The following PCDH7 variants were observed in gnomAD, a reference collection of about 807,000 sequenced individuals.
PCDH7 encodes protocadherin 7.
A neutral mutation model predicts 58.9 loss-of-function variants in PCDH7; 17 were observed. The ratio of observed to expected loss-of-function variants is 0.29; its 90% CI spans 0.20 to 0.43. The LOEUF is 0.43. Among genes scored for constraint, PCDH7 ranks in the 20% least tolerant of loss-of-function variants. PCDH7 has a pLI of 1.00. For synonymous variants in PCDH7, 664 were observed against 616.4 expected (o/e 1.08, Z -1.14); for missense variants, 1,274 against 1,441.0 (o/e 0.88, Z 1.88).
chr4:31,068,464 C>T (rs1057133194), intron 3 of PCDH7, among the ~76,000 whole-genome samples: 1 of 151,938 alleles, frequency 6.6e-6, no homozygotes, highest in East Asian at 1.9e-4. Context: ...CTTGTAGACT[C>T]CAATATATAC....
intron 2 of PCDH7, 47 bp downstream of exon 2, chr4:30,920,416 G>A (rs760934973): frequency 7.0e-6 from 9 of 1,282,942 alleles, no homozygotes; most frequent in Non-Finnish European, 9.5e-6. Context: ...CTAGTGAGCC[G>A]TAATAAGTAG....
intron 1 of PCDH7, among the ~76,000 whole-genome samples, chr4:30,911,549 G>A (rs1741774015): frequency 6.6e-6 from 1 of 152,114 alleles, no homozygotes; most frequent in Admixed American, 6.6e-5. Context: ...TAAATTGAAT[G>A]ATTGTGTTAA....
intron 3 of PCDH7, among the ~76,000 whole-genome samples, chr4:31,068,153 A>G (rs1365898543): frequency 6.6e-6 from 1 of 151,944 alleles, no homozygotes; most frequent in Non-Finnish European, 1.5e-5. Flanking sequence ...ATTTAAAGCA[A>G]TAATTTTCAC....
At chr4:30,884,933 G>C (rs1289773811) in intron 1 of PCDH7, 1 of 152,002 alleles carries the variant, frequency 6.6e-6, no homozygotes, top group Admixed American at 6.6e-5. Flanking sequence ...TTTTTATGGG[G>C]GTCTGATGAA....
chr4:30,791,151 G>GT (rs897733378), intron 1 of PCDH7, among the ~76,000 whole-genome samples: 26 of 152,134 alleles, frequency 1.7e-4, no homozygotes, highest in Admixed American at 1.6e-3. Context: ...AACAGGGAGC[G>GT]TTCACAGCCT....
chr4:30,921,156 T>A (rs1022409296), intron 2 of PCDH7, among the ~76,000 whole-genome samples: 3 of 152,100 alleles, frequency 2.0e-5, no homozygotes, highest in Non-Finnish European at 4.4e-5. Flanking sequence ...GGATTTTGAG[T>A]CATAAGTAAA....
intron 3 of PCDH7, among the ~76,000 whole-genome samples, chr4:31,063,232 T>C (rs1463112991): frequency 1.3e-5 from 2 of 151,842 alleles, no homozygotes; most frequent in African/African-American, 2.4e-5. Flanking sequence ...AGAGAAAATA[T>C]ATGAATGCCC....
intron 2 of PCDH7, among the ~76,000 whole-genome samples, chr4:30,924,484 C>A (rs777060309): frequency 6.6e-6 from 1 of 152,066 alleles, no homozygotes; most frequent in Non-Finnish European, 1.5e-5. Flanking sequence ...GTGGGCAGGC[C>A]AGTAGTGATT....
At chr4:30,797,927 A>G (rs1272123871) in intron 1 of PCDH7, among the ~76,000 whole-genome samples, 1 of 152,196 alleles carries the variant, frequency 6.6e-6, no homozygotes, top group Non-Finnish European at 1.5e-5. Context: ...GTTTATATAC[A>G]TATATGTCAC....
intron 2 of PCDH7, among the ~76,000 whole-genome samples, chr4:30,927,676 A>T (rs1265696465): frequency 6.6e-6 from 1 of 152,094 alleles, no homozygotes; most frequent in African/African-American, 2.4e-5. Flanking sequence ...GTTAAGAGTC[A>T]TCACCACTCT....
At chr4:30,822,223 A>G (rs1728466799) in intron 1 of PCDH7, among the ~76,000 whole-genome samples, 2 of 152,120 alleles carry the variant, frequency 1.3e-5, no homozygotes, top group African/African-American at 4.8e-5. Context: ...CTACTTTCAC[A>G]TTTATTTGCA....
At chr4:31,042,356 ATC>A (rs1423859508) in intron 3 of PCDH7, among the ~76,000 whole-genome samples, 1 of 152,188 alleles carries the variant, frequency 6.6e-6, no homozygotes, top group East Asian at 1.9e-4. Flanking sequence ...GAATTCTCCA[ATC>A]TCTTTTTGAT....
At chr4:30,932,815 T>A (rs368893811) in intron 2 of PCDH7, among the ~76,000 whole-genome samples, 4 of 152,084 alleles carry the variant, frequency 2.6e-5, no homozygotes, top group East Asian at 3.9e-4. Flanking sequence ...GATAACCAAG[T>A]CTCGACAATA....
chr4:31,038,190 G>A (rs971756138), intron 3 of PCDH7, among the ~76,000 whole-genome samples: 2 of 152,196 alleles, frequency 1.3e-5, no homozygotes, highest in African/African-American at 2.4e-5. Flanking sequence ...GAAGAGTTCC[G>A]AGGAGATTGT....
intron 3 of PCDH7, among the ~76,000 whole-genome samples, chr4:31,052,729 A>AT (rs1178409902): frequency 6.6e-6 from 1 of 152,180 alleles, no homozygotes; most frequent in Admixed American, 6.6e-5. Flanking sequence ...TTTGTTTAAT[A>AT]TGATGAGCTG....
At chr4:30,947,561 T>C (rs1746856421) in intron 2 of PCDH7, among the ~76,000 whole-genome samples, 1 of 152,208 alleles carries the variant, frequency 6.6e-6, no homozygotes, top group Admixed American at 6.5e-5. Context: ...TCAATTCTTG[T>C]ATTTTATTTC....
intron 2 of PCDH7, among the ~76,000 whole-genome samples, chr4:30,928,713 T>G (rs1744199539): frequency 6.6e-6 from 1 of 152,170 alleles, no homozygotes; most frequent in Non-Finnish European, 1.5e-5. Context: ...ATAAATCAAA[T>G]GTTGGACAGG....
chr4:30,846,032 G>T (rs141130203), intron 1 of PCDH7, among the ~76,000 whole-genome samples: 4 of 152,158 alleles, frequency 2.6e-5, no homozygotes, highest in African/African-American at 9.6e-5. Flanking sequence ...TAGTCTAATG[G>T]TAATAATGGT....
chr4:30,933,442 T>C (rs182268969), intron 2 of PCDH7, among the ~76,000 whole-genome samples: 104 of 152,314 alleles, frequency 6.8e-4, no homozygotes, highest in Non-Finnish European at 5.7e-4. Context: ...TCTTTCAGTG[T>C]CCGCTACTAA....
Sources: gnomAD v4.1 joint callset for allele counts (sites outside exome capture counted in the v4.1 genomes callset) on GRCh38, gnomAD v4.1.1 for gene constraint, MANE v1.5 for transcripts, NCBI Gene and HGNC (gene_info 2026-07-23, HGNC 2026-07-21) for gene names.